ZEB1: variants seen among roughly 807,000 people sequenced by gnomAD.
ZEB1 encodes the protein zinc finger E-box binding homeobox 1, also known as zinc finger E-box-binding homeobox 1.
Under a neutral mutation model 84.9 loss-of-function variants are expected in ZEB1, and 21 were observed. That is an observed-to-expected ratio of 0.25 (90% CI 0.18 to 0.36). The LOEUF is 0.36. ZEB1 is among the 10% of genes least tolerant of loss of function. The probability of loss-of-function intolerance (pLI) is 1.00; values close to 1 mark genes in which losing one functional copy is unlikely to be tolerated. For synonymous variants in ZEB1, 420 were observed against 471.1 expected, an observed-to-expected ratio of 0.89 and a Z score of 1.41; for missense variants, 1,104 against 1,330.2, an observed-to-expected ratio of 0.83 and a Z score of 2.65.
chr10:31,362,040 C>CAG (rs2043242246), intron 1 of ZEB1, among the ~76,000 whole-genome samples: 1 of 144,546 alleles, frequency 6.9e-6, no homozygotes, highest in Admixed American at 6.8e-5. Context: ...GCAGACGGGG[C>CAG]GGCGGCGGGG....
intron 1 of ZEB1, among the ~76,000 whole-genome samples, chr10:31,446,092 G>T (rs1363571974): frequency 6.7e-6 from 1 of 149,772 alleles, no homozygotes; most frequent in East Asian, 2.0e-4. Flanking sequence ...CACAATTTCA[G>T]ATCCTGTTAT....
chr10:31,379,866 A>G (rs2047327667), intron 1 of ZEB1, among the ~76,000 whole-genome samples: 1 of 152,134 alleles, frequency 6.6e-6, no homozygotes, highest in South Asian at 2.1e-4. Flanking sequence ...TTTAAAGTAG[A>G]TCCCAGACTT....
At chr10:31,522,358 T>C (rs181451805) in intron 7 of ZEB1, among the ~76,000 whole-genome samples, 6 of 152,358 alleles carry the variant, frequency 3.9e-5, no homozygotes, top group East Asian at 1.9e-4. Flanking sequence ...GGCAAACTTA[T>C]CTATCACTTT....
intron 1 of ZEB1, chr10:31,387,332 T>C (rs2048804730): frequency 3.0e-6 from 3 of 985,022 alleles, no homozygotes; most frequent in Non-Finnish European, 3.6e-6. Flanking sequence ...GGTTTTGGAA[T>C]GCTCCATTGA....
intron 4 of ZEB1, among the ~76,000 whole-genome samples, chr10:31,507,595 G>T (rs2069208966): frequency 6.6e-6 from 1 of 151,476 alleles, no homozygotes; most frequent in Non-Finnish European, 1.5e-5. Context: ...TTCTTCTTCT[G>T]CTTGACCTAA....
Position 31,519,366 on chromosome 10 carries a change from G to A in ZEB1, c.794-760G>A, listed in dbSNP as rs572287707. ...CTTTTACCCCACAGAGTCTAGGGAA[G>A]CAGCTTGAGGGAAGCCTCTGCAAGC... On this transcript the variant is annotated intron_variant, in intron 6 of 8. Coordinates refer to ENST00000424869, the MANE Select transcript of ZEB1 (RefSeq NM_001174096.2). 6.3e-4 allele frequency among the ~76,000 whole-genome samples: 96 copies of A among 152,288 alleles called. No homozygotes were observed. In the Middle Eastern group the frequency reaches 0.01, roughly 16 times the overall value.
chr10:31,422,042 G>A (rs1436534192), intron 1 of ZEB1, among the ~76,000 whole-genome samples: 1 of 152,016 alleles, frequency 6.6e-6, no homozygotes. Flanking sequence ...TGAACTACAG[G>A]CCATCCTTTC....
chr10:31,320,718 G>A (rs1024737346), intron 1 of ZEB1: 17 of 152,390 alleles, frequency 1.1e-4, no homozygotes, highest in African/African-American at 4.1e-4. Flanking sequence ...TTGTATTTCT[G>A]GTTATCTCGG....
At chr10:31,452,742 T>TGTGTGTGAGAGAGAGAGAGA (rs1387786622) in intron 1 of ZEB1, among the ~76,000 whole-genome samples, 1 of 90,732 alleles carries the variant, frequency 1.1e-5, no homozygotes, top group African/African-American at 5.1e-5. Flanking sequence ...TGTGTGTGTG[T>TGTGTGTGAGAGAGAGAGAGA]GAGAGAGAGA....
intron 1 of ZEB1, among the ~76,000 whole-genome samples, chr10:31,357,055 A>G (rs1185332472): frequency 6.6e-6 from 1 of 152,180 alleles, no homozygotes; most frequent in Non-Finnish European, 1.5e-5. Context: ...GACCATATAG[A>G]AATCTTCAAT....
chr10:31,487,090 G>C (rs78203420), intron 2 of ZEB1, among the ~76,000 whole-genome samples: 5,028 of 151,316 alleles, frequency 0.033, 260 homozygotes, highest in African/African-American at 0.11. Flanking sequence ...GTCAGTTTCT[G>C]GACTTTGTTC....
Position 31,321,427 on chromosome 10 carries a change from G to T in ZEB1, c.58+2135G>T, listed in dbSNP as rs577149432. On this transcript the variant is annotated intron_variant, in intron 1 of 8. Coordinates refer to ENST00000424869, the MANE Select transcript of ZEB1 (RefSeq NM_001174096.2). ...GTGGAGAGATGACTTGTTATAGCAAGGAGTGGAGCATAGGCTATTGCAATT... is the reference window on the plus strand; with the variant it reads ...GTGGAGAGATGACTTGTTATAGCAATGAGTGGAGCATAGGCTATTGCAATT... 4.3e-6 allele frequency: 7 copies of T among 1,612,078 alleles called. No homozygotes were observed. The South Asian group carries it at 7.7e-5, about 18-fold the overall frequency.
At chr10:31,422,260 A>C (rs2056293527) in intron 1 of ZEB1, among the ~76,000 whole-genome samples, 1 of 152,172 alleles carries the variant, frequency 6.6e-6, no homozygotes, top group African/African-American at 2.4e-5. Flanking sequence ...GAGGATCTTA[A>C]TTATAGTTCT....
Position 31,387,151 on chromosome 10 carries a change from G to GA in ZEB1, c.58+67861dup. The GA allele has an allele frequency of 4.1e-6, 4 of 985,772 alleles. No individual in the cohort carries two copies. In the South Asian group the frequency reaches 1.9e-4, roughly 46 times the overall value. 61.1% of individuals were successfully genotyped at this position (985,772 alleles called of 1,614,324 possible). A position where few individuals can be genotyped will look rare whatever the true frequency, so the allele number is the denominator to read the frequency against. ...CAACCTTAAACTTCCACCACAAGAG[G>GA]AATATAAAGAGGTCCCTCCTGCACC... On this transcript the variant is annotated intron_variant, in intron 1 of 8. Coordinates refer to ENST00000424869, the MANE Select transcript of ZEB1 (RefSeq NM_001174096.2).
intron 1 of ZEB1, among the ~76,000 whole-genome samples, chr10:31,340,060 T>C (rs1337915647): frequency 6.6e-6 from 1 of 152,200 alleles, no homozygotes; most frequent in Non-Finnish European, 1.5e-5. Flanking sequence ...AAGTGAGAAA[T>C]ATTTCTTGAT....
chr10:31,399,295 C>G (rs964697156), intron 1 of ZEB1, among the ~76,000 whole-genome samples: 2 of 151,946 alleles, frequency 1.3e-5, no homozygotes, highest in South Asian at 2.1e-4. Flanking sequence ...GTGCCTGGCC[C>G]CTGTAGTCTT....
intron 4 of ZEB1, among the ~76,000 whole-genome samples, chr10:31,508,893 C>G (rs1018837539): frequency 5.3e-5 from 8 of 152,158 alleles, no homozygotes; most frequent in African/African-American, 1.7e-4. Context: ...CTTAGCAGCT[C>G]AGCTGCTGAG....
At chr10:31,353,155 G>A (rs1482567375) in intron 1 of ZEB1, among the ~76,000 whole-genome samples, 2 of 152,176 alleles carry the variant, frequency 1.3e-5, no homozygotes, top group African/African-American at 4.8e-5. Context: ...ACAGTTAAGT[G>A]AGATAATTTG....
At position 31,520,359 on chromosome 10, in the gene ZEB1, T is replaced by G; in HGVS notation, c.1027T>G (p.Ser343Ala). The G allele has an allele frequency of 6.2e-7, 1 of 1,613,936 alleles. No homozygotes were observed. ...IENKPLQEQLSVNQIKTEPVD... is the reference protein window; with the variant it reads ...IENKPLQEQLAVNQIKTEPVD... ...GAATAAACCCCTTCAAGAACAACTT[T>G]CTGTTAACCAAATTAAAACTGAACC... Residue 343 changes from serine to alanine, a missense_variant, in exon 7 of 9, where the codon TCT (serine) becomes GCT (alanine). By Grantham distance (99) the Ser-to-Ala change is moderately conservative. Coordinates refer to ENST00000424869, the MANE Select transcript of ZEB1 (RefSeq NM_001174096.2). The surrounding 1 kb of genome is among the most constrained non-coding windows in gnomAD (Gnocchi z 5.1).
Sources: gnomAD v4.1 joint callset for allele counts (sites outside exome capture counted in the v4.1 genomes callset) on GRCh38, gnomAD v4.1.1 for gene constraint, Gnocchi (gnomAD v3.1) non-coding constraint, MANE v1.5 for transcripts, NCBI Gene and HGNC (gene_info 2026-07-23, HGNC 2026-07-21) for gene names.